ARL11: variants seen among roughly 807,000 people sequenced by gnomAD.
ARL11 encodes the protein ARF like GTPase 11.
For synonymous variants in ARL11, 91 were observed against 111.2 expected (o/e 0.82, Z 1.15); for missense variants, 239 against 250.6 (o/e 0.95, Z 0.31).
At chr13:49,630,205 T>G in intron 1 of ARL11, 1 of 435,962 alleles carries the variant, frequency 2.3e-6, no homozygotes, top group Non-Finnish European at 4.2e-6. Context: ...ACTCTTCCGT[T>G]GTTTGCCTGC....
chr13:49,630,105 C>T, intron 1 of ARL11: 1 of 231,606 alleles, frequency 4.3e-6, no homozygotes, highest in East Asian at 1.1e-4. Context: ...GACAGGTTAG[C>T]TGATGGTGAC....
rs1264866269 is a variant in ARL11 at position 49,632,312 on chromosome 13, A to G, written c.*1274A>G. 6.0e-6 allele frequency: 1 copy of G among 167,078 alleles called. No individual in the cohort carries two copies. The highest frequency in any genetic ancestry group is 1.5e-5 in the Non-Finnish European group (1 of 68,118). The allele number at this position is 167,078 out of a possible 1,614,324, so 10.3% of individuals were successfully genotyped here. On this transcript the variant is annotated 3_prime_UTR_variant, in exon 2 of 2. Transcript: ENST00000282026. ...TATGAATCATGTGCTTTAGGTGGGA[A>G]TTGTGAATTCTGAAGATACAGATGA...
chr13:49,630,829 G>A lies in ARL11; in HGVS notation c.382G>A (p.Asp128Asn). Residue 128 changes from aspartate to asparagine, a missense_variant, in exon 2 of 2, where the codon GAT becomes AAT. Coordinates refer to ENST00000282026, the MANE Select transcript of ARL11 (RefSeq NM_138450.6). ...GCTGGCCAACAAGCAGGAGGCACCT[G>A]ATGCACTTCCGCTGCTTAAGATCAG... ...LVLANKQEAPDALPLLKIRNR... is the reference protein window; with the variant it reads ...LVLANKQEAPNALPLLKIRNR... The A allele has an allele frequency of 1.2e-6, 2 of 1,606,908 alleles. No homozygotes were observed. Among genetic ancestry groups the A allele is most frequent in the Non-Finnish European group, 1.7e-6 (2 of 1,174,940 alleles).
In ARL11 at chr13:49,631,139, C is replaced by T. The variant is rs1031036557; in HGVS notation, c.*101C>T. 2.7e-5 allele frequency: 32 copies of T among 1,183,630 alleles called. 1 individual carries two copies. In the Admixed American group the frequency reaches 7.3e-4, roughly 27 times the overall value. 73.3% of individuals were successfully genotyped at this position (1,183,630 alleles called of 1,614,324 possible). A position where few individuals can be genotyped will look rare whatever the true frequency, so the allele number is the denominator to read the frequency against. On this transcript the variant is annotated 3_prime_UTR_variant, in exon 2 of 2. Coordinates refer to ENST00000282026, the MANE Select transcript of ARL11 (RefSeq NM_138450.6). The stretch of plus-strand genomic sequence containing the variant: ...TATCAAACAAGAAATGCTGGCTTGG[C>T]CCGGTGGCTCATGCCTGTAATCCCA...
rs779514414 is a variant in ARL11 at position 49,630,832 on chromosome 13, G to T, written c.385G>T (p.Ala129Ser). The change falls in exon 2 of 2, where the codon GCA (alanine) becomes TCA (serine). Residue 129 changes from alanine to serine, a missense_variant. Transcript: ENST00000282026. The stretch of plus-strand genomic sequence containing the variant: ...GGCCAACAAGCAGGAGGCACCTGAT[G>T]CACTTCCGCTGCTTAAGATCAGAAA... ...VLANKQEAPD[A>S]LPLLKIRNRL... The T allele has an allele frequency of 6.2e-7, 1 of 1,605,812 alleles. No individual in the cohort carries two copies. Among genetic ancestry groups the T allele is most frequent in the Admixed American group, 1.7e-5 (1 of 59,496 alleles).
Position 49,630,423 on chromosome 13 carries a change from C to G in ARL11, c.-18-7C>G, listed in dbSNP as rs989822290. The G allele has an allele frequency of 6.3e-6, 10 of 1,575,388 alleles. No individual in the cohort carries two copies. The highest frequency in any genetic ancestry group is 8.7e-6 in the Non-Finnish European group (10 of 1,153,200). On this transcript the variant is annotated splice_polypyrimidine_tract_variant and splice_region_variant and intron_variant, in intron 1 of 1. Coordinates refer to ENST00000282026, the MANE Select transcript of ARL11 (RefSeq NM_138450.6). ...AGCTGATGTGTGCCCTGGCCTTTCT[C>G]CCCTAGGATTCAGCAGTGGCCACCA...
Position 49,632,565 on chromosome 13 carries a change from G to T in ARL11, c.*1527G>T, listed in dbSNP as rs1964898122. On this transcript the variant is annotated 3_prime_UTR_variant, in exon 2 of 2. Coordinates refer to ENST00000282026, the MANE Select transcript of ARL11 (RefSeq NM_138450.6). ...AAAGTTAACAATCACTGATGTGGTT[G>T]TTGTATCCCTCATCCAACCCCAGAA... The T allele has an allele frequency of 1.2e-5, 2 of 167,082 alleles. No individual in the cohort carries two copies. The highest frequency in any genetic ancestry group is 2.4e-5 in the African/African-American group (1 of 41,446). The allele number at this position is 167,082 out of a possible 1,614,324, so 10.3% of individuals were successfully genotyped here.
Position 49,632,191 on chromosome 13 carries a change from C to T in ARL11, c.*1153C>T, listed in dbSNP as rs1964895035. Reference sequence around the variant, plus strand: ...TCTCCTTCTTGTAGCACATATCTTTCGTTAAAGATCAGATCAATAAAATAT... The same window carrying T: ...TCTCCTTCTTGTAGCACATATCTTTTGTTAAAGATCAGATCAATAAAATAT... On this transcript the variant is annotated 3_prime_UTR_variant, in exon 2 of 2. Coordinates refer to ENST00000282026, the MANE Select transcript of ARL11 (RefSeq NM_138450.6). 1.2e-5 allele frequency: 2 copies of T among 166,524 alleles called. No homozygotes were observed. Among genetic ancestry groups the T allele is most frequent in the South Asian group, 2.1e-4 (1 of 4,810 alleles). The allele number at this position is 166,524 out of a possible 1,614,324, so 10.3% of individuals were successfully genotyped here.
chr13:49,630,890 G>A lies in ARL11; in HGVS notation c.443G>A (p.Cys148Tyr). Reference sequence around the variant, plus strand: ...AGTCTAGAGAGATTCCAGGACCACTGCTGGGAGCTCCGGGGCTGCAGTGCC... The same window carrying A: ...AGTCTAGAGAGATTCCAGGACCACTACTGGGAGCTCCGGGGCTGCAGTGCC... ...RLSLERFQDH[C>Y]WELRGCSALT... is the part of the protein sequence containing the mutation. Residue 148 changes from cysteine to tyrosine, a missense_variant, in exon 2 of 2, where the codon TGC (cysteine) becomes TAC (tyrosine). Coordinates refer to ENST00000282026, the MANE Select transcript of ARL11 (RefSeq NM_138450.6). The A allele has an allele frequency of 1.3e-6, 2 of 1,589,146 alleles. No individual in the cohort carries two copies. Among genetic ancestry groups the A allele is most frequent in the Non-Finnish European group, 1.7e-6 (2 of 1,163,868 alleles).
chr13:49,631,848 A>G lies in ARL11; in HGVS notation c.*810A>G. On this transcript the variant is annotated 3_prime_UTR_variant, in exon 2 of 2. Transcript: ENST00000282026. ...ACAGGCTGTGTCTCCAAAAAGAAAA[A>G]AAAAAGTCAAATTCAAATATCATCT... 7 of 166,958 alleles carry G rather than the reference A, an allele frequency of 4.2e-5. No individual in the cohort carries two copies. The allele number at this position is 166,958 out of a possible 1,614,324, so 10.3% of individuals were successfully genotyped here. A position where few individuals can be genotyped will look rare whatever the true frequency, so the allele number is the denominator to read the frequency against.
chr13:49,630,400 C>A, intron 1 of ARL11, 30 bp from the exon 2 acceptor site: 2 of 1,454,348 alleles, frequency 1.4e-6, no homozygotes, highest in Admixed American at 1.9e-5. Flanking sequence ...AAGACAGTAG[C>A]TGATGTGTGC....
In ARL11 at chr13:49,631,556, G is replaced by A. The variant is rs919020629; in HGVS notation, c.*518G>A. On this transcript the variant is annotated 3_prime_UTR_variant, in exon 2 of 2. Transcript: ENST00000282026. ...ATAGAGACCTAAATTCTCAAATAGG[G>A]AAAGAGGTTTTAAAATCAAATTTGA... The A allele has an allele frequency of 1.2e-5, 2 of 167,024 alleles. No individual in the cohort carries two copies. Among genetic ancestry groups the A allele is most frequent in the Admixed American group, 1.3e-4 (2 of 15,264 alleles). 10.3% of individuals were successfully genotyped at this position (167,024 alleles called of 1,614,324 possible).
At position 49,630,589 on chromosome 13, in the gene ARL11, G is replaced by T; in HGVS notation, c.142G>T (p.Val48Leu). 1 of 1,614,100 alleles carries T rather than the reference G, an allele frequency of 6.2e-7. No homozygotes were observed. Among genetic ancestry groups the T allele is most frequent in the South Asian group, 1.1e-5 (1 of 91,080 alleles). Reference protein sequence around the residue: ...VETLPTVGFNVEPLKAPGHVS... With the variant: ...VETLPTVGFNLEPLKAPGHVS... ...GACCCTGCCCACTGTTGGTTTCAAC[G>T]TGGAGCCTCTGAAAGCTCCTGGGCA... The change falls in exon 2 of 2, where the codon GTG becomes TTG. Residue 48 changes from valine to leucine, a missense_variant. Transcript: ENST00000282026.
rs1204070654 is a variant in ARL11 at position 49,633,750 on chromosome 13, G to A, written c.*2712G>A. On this transcript the variant is annotated 3_prime_UTR_variant, in exon 2 of 2. Transcript: ENST00000282026. ...AGCGCTGAAGAACCAGGATGGGACGGGGCTGGAACAGCTGGGTTCAGCTTT... is the reference window on the plus strand; with the variant it reads ...AGCGCTGAAGAACCAGGATGGGACGAGGCTGGAACAGCTGGGTTCAGCTTT... 1 of 167,136 alleles carries A rather than the reference G, an allele frequency of 6.0e-6. No homozygotes were observed. The highest frequency in any genetic ancestry group is 1.5e-5 in the Non-Finnish European group (1 of 68,160). 10.4% of individuals were successfully genotyped at this position (167,136 alleles called of 1,614,324 possible).
rs965294159 is a variant in ARL11 at position 49,633,531 on chromosome 13, A to C, written c.*2493A>C. On this transcript the variant is annotated 3_prime_UTR_variant, in exon 2 of 2. Coordinates refer to ENST00000282026, the MANE Select transcript of ARL11 (RefSeq NM_138450.6). ...AGTGTGGAGGTGAAATAAAGAGAAAAGGGAACCTTGGAGCTGGGAAGGCAG... is the reference window on the plus strand; with the variant it reads ...AGTGTGGAGGTGAAATAAAGAGAAACGGGAACCTTGGAGCTGGGAAGGCAG... The C allele has an allele frequency of 6.0e-6, 1 of 167,110 alleles. No individual in the cohort carries two copies. Among genetic ancestry groups the C allele is most frequent in the African/African-American group, 2.4e-5 (1 of 41,464 alleles). 10.4% of individuals were successfully genotyped at this position (167,110 alleles called of 1,614,324 possible). A position where few individuals can be genotyped will look rare whatever the true frequency, so the allele number is the denominator to read the frequency against.
At position 49,631,792 on chromosome 13, in the gene ARL11, G is replaced by C. The variant is rs1028138359; in HGVS notation, c.*754G>C. On this transcript the variant is annotated 3_prime_UTR_variant, in exon 2 of 2. Coordinates refer to ENST00000282026, the MANE Select transcript of ARL11 (RefSeq NM_138450.6). ...GTGGAGGTTGCAGTGAGCCGAGATT[G>C]TGCTGCTGCACTCCAGCCTGGGTGA... The C allele has an allele frequency of 6.0e-6, 1 of 166,624 alleles. No individual in the cohort carries two copies. Among genetic ancestry groups the C allele is most frequent in the Non-Finnish European group, 1.5e-5 (1 of 68,142 alleles). 10.3% of individuals were successfully genotyped at this position (166,624 alleles called of 1,614,324 possible).
In ARL11 at chr13:49,630,863, T is replaced by C. The variant is rs766738083; in HGVS notation, c.416T>C (p.Leu139Pro). 2.5e-6 allele frequency: 4 copies of C among 1,597,994 alleles called. No individual in the cohort carries two copies. The highest frequency in any genetic ancestry group is 3.4e-6 in the Non-Finnish European group (4 of 1,169,918). ...CCGCTGCTTAAGATCAGAAACAGGC[T>C]GAGTCTAGAGAGATTCCAGGACCAC... ...ALPLLKIRNR[L>P]SLERFQDHCW... The change falls in exon 2 of 2, where the codon CTG becomes CCG. Residue 139 changes from leucine (L) to proline (P), a missense_variant. Coordinates refer to ENST00000282026, the MANE Select transcript of ARL11 (RefSeq NM_138450.6).
chr13:49,633,730 T>C lies in ARL11; in HGVS notation c.*2692T>C, dbSNP rs1964907268. 6.0e-6 allele frequency: 1 copy of C among 167,048 alleles called. No individual in the cohort carries two copies. Among genetic ancestry groups the C allele is most frequent in the Non-Finnish European group, 1.5e-5 (1 of 68,138 alleles). 10.3% of individuals were successfully genotyped at this position (167,048 alleles called of 1,614,324 possible). A position where few individuals can be genotyped will look rare whatever the true frequency, so the allele number is the denominator to read the frequency against. Reference sequence around the variant, plus strand: ...GCCATGAACTGGAGAAGGTGAGCGCTGAAGAACCAGGATGGGACGGGGCTG... The same window carrying C: ...GCCATGAACTGGAGAAGGTGAGCGCCGAAGAACCAGGATGGGACGGGGCTG... On this transcript the variant is annotated 3_prime_UTR_variant, in exon 2 of 2. Transcript: ENST00000282026.
At chr13:49,630,287 G>A in intron 1 of ARL11, 143 bp from the exon 2 acceptor site, 1 of 629,986 alleles carries the variant, frequency 1.6e-6, no homozygotes, top group Non-Finnish European at 2.8e-6. Flanking sequence ...GCCTCGGCTT[G>A]TTTGAAACTC....
Sources: gnomAD v4.1 joint callset for allele counts on GRCh38, gnomAD v4.1.1 for gene constraint, MANE v1.5 for transcripts, NCBI Gene and HGNC (gene_info 2026-07-23, HGNC 2026-07-21) for gene names.